PRKACB: variants seen among roughly 807,000 people sequenced by gnomAD.
PRKACB encodes protein kinase cAMP-activated catalytic subunit beta.
A neutral mutation model predicts 51.4 loss-of-function variants in PRKACB; 16 were observed. The observed-to-expected ratio is 0.31, with a 90% CI of 0.21 to 0.47. PRKACB has a LOEUF of 0.47. PRKACB is among the 20% of genes least tolerant of loss of function. The probability of loss-of-function intolerance (pLI) is 1.00; values close to 1 mark genes in which losing one functional copy is unlikely to be tolerated. For synonymous variants in PRKACB, 147 were observed against 154.4 expected (o/e 0.95, Z 0.35); for missense variants, 309 against 464.5 (o/e 0.67, Z 3.08).
intron 1 of PRKACB, among the ~76,000 whole-genome samples, chr1:84,128,139 G>A (rs1281717662): frequency 6.7e-6 from 1 of 150,140 alleles, no homozygotes; most frequent in African/African-American, 2.5e-5. Flanking sequence ...TTCCTGAGTA[G>A]CTGGAATTAC....
chr1:84,158,907 A>G (rs1410051013), intron 1 of PRKACB, among the ~76,000 whole-genome samples: 2 of 152,100 alleles, frequency 1.3e-5, no homozygotes, highest in Non-Finnish European at 2.9e-5. Flanking sequence ...TTCTCTATTT[A>G]ATTATCTTGG....
At chr1:84,200,353 G>GT (rs1333913413) in intron 7 of PRKACB, among the ~76,000 whole-genome samples, 1 of 152,088 alleles carries the variant, frequency 6.6e-6, no homozygotes, top group Non-Finnish European at 1.5e-5. Flanking sequence ...TTGTAAATTT[G>GT]TTTAAGTTCC....
chr1:84,164,155 ATATATG>A (rs1656677269), intron 1 of PRKACB: 1 of 464,894 alleles, frequency 2.2e-6, no homozygotes, highest in Non-Finnish European at 2.8e-6. Context: ...GCAGATATAC[ATATATG>A]TATATAATAT....
chr1:84,172,257 A>G lies in PRKACB; in HGVS notation c.188-6920A>G, dbSNP rs183830869. ...TCGGGAAACAAGACAAAATATTTGA[A>G]TTCAGGCCTTTCTGGAAAATCCTTG... On this transcript the variant is annotated intron_variant, in intron 1 of 9. Transcript: ENST00000370685. Among the ~76,000 whole-genome samples the G allele has an allele frequency of 2.6e-5, 4 of 151,848 alleles. No homozygotes were observed. In the East Asian group the frequency reaches 7.8e-4, roughly 30 times the overall value.
At chr1:84,176,644 AT>A (rs1661378549) in intron 1 of PRKACB, among the ~76,000 whole-genome samples, 1 of 151,806 alleles carries the variant, frequency 6.6e-6, no homozygotes, top group African/African-American at 2.4e-5. Context: ...TCATAGAACT[AT>A]TTAATAACAT....
chr1:84,111,372 A>G (rs568427666), intron 1 of PRKACB, among the ~76,000 whole-genome samples: 8 of 152,212 alleles, frequency 5.3e-5, no homozygotes, highest in African/African-American at 1.9e-4. Context: ...AGATCTTACA[A>G]ATTACTTCTT....
At chr1:84,156,777 T>C (rs1347038701) in intron 1 of PRKACB, among the ~76,000 whole-genome samples, 1 of 152,216 alleles carries the variant, frequency 6.6e-6, no homozygotes, top group Non-Finnish European at 1.5e-5. Flanking sequence ...ATCTGGACTT[T>C]CATATTCTTG....
At chr1:84,108,824 C>G (rs929518235) in intron 1 of PRKACB, among the ~76,000 whole-genome samples, 2 of 151,896 alleles carry the variant, frequency 1.3e-5, no homozygotes, top group Non-Finnish European at 2.9e-5. Flanking sequence ...TTTTTCTTTG[C>G]ATTTGGATAA....
intron 1 of PRKACB, among the ~76,000 whole-genome samples, chr1:84,114,928 A>G (rs1557956128): frequency 6.6e-6 from 1 of 152,176 alleles, no homozygotes; most frequent in Non-Finnish European, 1.5e-5. Context: ...TTCTTTATCC[A>G]TTTATAAACT....
intron 1 of PRKACB, among the ~76,000 whole-genome samples, chr1:84,162,846 A>G (rs1295254297): frequency 6.6e-6 from 1 of 151,978 alleles, no homozygotes; most frequent in Non-Finnish European, 1.5e-5. Context: ...ATTGTGGATC[A>G]CACAAGTTTT....
At chr1:84,111,221 C>T (rs1650202647) in intron 1 of PRKACB, among the ~76,000 whole-genome samples, 1 of 151,958 alleles carries the variant, frequency 6.6e-6, no homozygotes, top group Non-Finnish European at 1.5e-5. Flanking sequence ...TCTTAAAGTA[C>T]TTTTTAAGGC....
chr1:84,104,203 C>T (rs1649558499), intron 1 of PRKACB, among the ~76,000 whole-genome samples: 2 of 152,150 alleles, frequency 1.3e-5, no homozygotes, highest in Admixed American at 6.5e-5. Flanking sequence ...TTTAAAAGCT[C>T]CCTCATATGG....
At position 84,148,771 on chromosome 1, in the gene PRKACB, G is replaced by A. The variant is rs1654459962; in HGVS notation, c.187+4223G>A. 2.0e-5 allele frequency among the ~76,000 whole-genome samples: 3 copies of A among 152,158 alleles called. 1 individual carries two copies. The South Asian group carries it at 6.2e-4, about 31-fold the overall frequency. On this transcript the variant is annotated intron_variant, in intron 1 of 9. Transcript: ENST00000370685. The stretch of plus-strand genomic sequence containing the variant: ...CAGACTTTATAGTAAAACTAAAATA[G>A]TTGGGATATTAAATGATGTTGAAAT...
chr1:84,153,395 A>G (rs1432740044), intron 1 of PRKACB, among the ~76,000 whole-genome samples: 6 of 152,104 alleles, frequency 3.9e-5, no homozygotes, highest in Non-Finnish European at 5.9e-5. Context: ...GAAAAGTGCA[A>G]TATCTGCTGA....
chr1:84,142,817 A>G (rs970244568), upstream of PRKACB, among the ~76,000 whole-genome samples: 1 of 152,234 alleles, frequency 6.6e-6, no homozygotes, highest in Non-Finnish European at 1.5e-5. Flanking sequence ...TTCACTAATC[A>G]GTGTTTTCTT....
At chr1:84,175,863 GAAAA>G (rs1354829181) in intron 1 of PRKACB, 1 of 1,281,674 alleles carries the variant, frequency 7.8e-7, no homozygotes, top group African/African-American at 1.5e-5. Context: ...CATACAAACA[GAAAA>G]AATATATAAT....
chr1:84,212,970 A>T (rs1672348630), intron 8 of PRKACB, among the ~76,000 whole-genome samples: 1 of 152,198 alleles, frequency 6.6e-6, no homozygotes, highest in Admixed American at 6.5e-5. Flanking sequence ...ATAAAGAGCA[A>T]CTGAGGTAAT....
chr1:84,177,415 G>A (rs1409908912), intron 1 of PRKACB, among the ~76,000 whole-genome samples: 1 of 151,928 alleles, frequency 6.6e-6, no homozygotes, highest in Non-Finnish European at 1.5e-5. Context: ...TTAGAAGCAA[G>A]GATGACTTGA....
At chr1:84,135,637 T>C (rs1439719852) in intron 1 of PRKACB, among the ~76,000 whole-genome samples, 3 of 152,138 alleles carry the variant, frequency 2.0e-5, no homozygotes, top group East Asian at 1.9e-4. Flanking sequence ...AGCTGGAAAT[T>C]AGTTAAAGAA....
Sources: gnomAD v4.1 joint callset for allele counts (sites outside exome capture counted in the v4.1 genomes callset) on GRCh38, gnomAD v4.1.1 for gene constraint, MANE v1.5 for transcripts, NCBI Gene and HGNC (gene_info 2026-07-23, HGNC 2026-07-21) for gene names.